The following CDC42SE2 variants were observed in gnomAD, a reference collection of about 807,000 sequenced individuals.
The protein encoded by CDC42SE2 is CDC42 small effector 2, also known as CDC42 small effector protein 2.
In CDC42SE2, 3 loss-of-function variants were observed where a neutral mutation model predicts 11.5. The observed-to-expected ratio is 0.26, with a 90% CI of 0.12 to 0.67. The LOEUF (loss-of-function observed/expected upper bound fraction) is 0.67. Among genes scored for constraint, CDC42SE2 ranks in the 30% least tolerant of loss-of-function variants. CDC42SE2 has a pLI of 0.80. For missense variants in CDC42SE2, 82 were observed against 106.8 expected (o/e 0.77, Z 1.02); for synonymous variants, 33 against 34.8 (o/e 0.95, Z 0.18).
chr5:131,245,734 C>G (rs904025572), intron 1 of CDC42SE2: 1 of 152,152 alleles, frequency 6.6e-6, no homozygotes, highest in Admixed American at 6.5e-5. Context: ...GTTACTTGAG[C>G]CTTTACCTTC....
At chr5:131,248,971 T>C (rs1294621416) in intron 1 of CDC42SE2, among the ~76,000 whole-genome samples, 1 of 151,016 alleles carries the variant, frequency 6.6e-6, no homozygotes, top group African/African-American at 2.4e-5. Context: ...CTAAAATATA[T>C]ATATTGAAGA....
chr5:131,252,817 T>C lies in CDC42SE2; in HGVS notation n.108-2278T>C, dbSNP rs76520829. Reference sequence around the variant, plus strand: ...TATCTTCCTGATTTTATACATGTTATTCTTCTACGCACAGAGAATTTCAAC... The same window carrying C: ...TATCTTCCTGATTTTATACATGTTACTCTTCTACGCACAGAGAATTTCAAC... On this transcript the variant is annotated intron_variant and non_coding_transcript_variant, in intron 1 of 3. Transcript: ENST00000502840. Among the ~76,000 whole-genome samples, 1,368 of 152,362 alleles carry C rather than the reference T, an allele frequency of 9.0e-3. 24 individuals carry two copies. The highest frequency in any genetic ancestry group is 0.031 in the African/African-American group (1,301 of 41,588).
intron 2 of CDC42SE2, among the ~76,000 whole-genome samples, chr5:131,342,719 T>A (rs926485869): frequency 6.6e-6 from 1 of 151,840 alleles, no homozygotes; most frequent in Admixed American, 6.6e-5. Context: ...GATTCTTTTT[T>A]ATTTTTTTTT....
intron 3 of CDC42SE2, among the ~76,000 whole-genome samples, chr5:131,366,400 A>G (rs1749858489): frequency 6.6e-6 from 1 of 152,202 alleles, no homozygotes; most frequent in South Asian, 2.1e-4. Context: ...TGAGTTCAAG[A>G]TGGGGAAAAG....
intron 1 of CDC42SE2, among the ~76,000 whole-genome samples, chr5:131,298,221 G>T (rs1364712631): frequency 6.6e-6 from 1 of 151,632 alleles, no homozygotes; most frequent in East Asian, 1.9e-4. Context: ...TCCTGCCTCA[G>T]CCTCCTGAGT....
chr5:131,245,278 C>T (rs1430678234), upstream of CDC42SE2, among the ~76,000 whole-genome samples: 2 of 152,104 alleles, frequency 1.3e-5, no homozygotes, highest in Admixed American at 1.3e-4. Flanking sequence ...GCTGTGCCTA[C>T]TGTTCTTTTG....
intron 2 of CDC42SE2, among the ~76,000 whole-genome samples, chr5:131,332,060 G>A (rs1360540628): frequency 1.3e-5 from 2 of 152,028 alleles, no homozygotes; most frequent in Non-Finnish European, 2.9e-5. Flanking sequence ...TTGGTGTGCT[G>A]CACCCATTAA....
At chr5:131,263,028 C>T (rs1756764846), upstream of CDC42SE2, among the ~76,000 whole-genome samples, 1 of 151,218 alleles carries the variant, frequency 6.6e-6, no homozygotes, top group Non-Finnish European at 1.5e-5. Flanking sequence ...TGATGGCTCA[C>T]TGTAACGTAA....
chr5:131,302,504 G>A (rs376812625), intron 1 of CDC42SE2, among the ~76,000 whole-genome samples: 1 of 151,684 alleles, frequency 6.6e-6, no homozygotes, highest in South Asian at 2.1e-4. Context: ...TAATAGAGAC[G>A]GGGGTTTCAC....
chr5:131,315,378 G>GA (rs1464643654), intron 1 of CDC42SE2, among the ~76,000 whole-genome samples: 1 of 152,148 alleles, frequency 6.6e-6, no homozygotes, highest in Non-Finnish European at 1.5e-5. Flanking sequence ...GCTTGGCTGT[G>GA]ACAATACTAA....
At chr5:131,303,721 T>A (rs188448271) in intron 1 of CDC42SE2, among the ~76,000 whole-genome samples, 23 of 152,306 alleles carry the variant, frequency 1.5e-4, no homozygotes, top group African/African-American at 5.1e-4. Context: ...GATGTACTAA[T>A]AGGTAGAACA....
chr5:131,291,785 C>T (rs986350112), intron 1 of CDC42SE2, among the ~76,000 whole-genome samples: 1 of 152,076 alleles, frequency 6.6e-6, no homozygotes, highest in Non-Finnish European at 1.5e-5. Flanking sequence ...AAACACCACC[C>T]GGGACTCATC....
At chr5:131,334,320 G>GAT (rs1301663482) in intron 2 of CDC42SE2, among the ~76,000 whole-genome samples, 2 of 152,184 alleles carry the variant, frequency 1.3e-5, no homozygotes, top group Non-Finnish European at 2.9e-5. Flanking sequence ...AAGCCCACTT[G>GAT]ATCATGGTTG....
intron 2 of CDC42SE2, among the ~76,000 whole-genome samples, chr5:131,338,677 C>CAA (rs1395079051): frequency 1.3e-5 from 2 of 152,158 alleles, no homozygotes; most frequent in African/African-American, 2.4e-5. Flanking sequence ...CTAGAACATA[C>CAA]AAAGATTAAG....
chr5:131,272,234 C>T (rs537933540), intron 1 of CDC42SE2, among the ~76,000 whole-genome samples: 79 of 151,968 alleles, frequency 5.2e-4, no homozygotes, highest in African/African-American at 1.6e-3. Flanking sequence ...AGGCTGGTCT[C>T]GAACTCTCAC....
intron 1 of CDC42SE2, among the ~76,000 whole-genome samples, chr5:131,253,712 C>T (rs971270147): frequency 2.0e-5 from 3 of 152,132 alleles, no homozygotes; most frequent in Admixed American, 2.0e-4. Flanking sequence ...TTGTAGTGAG[C>T]TGAGATTGCA....
the CDC42SE2 span, among the ~76,000 whole-genome samples, chr5:131,216,522 A>G: frequency 6.6e-6 from 1 of 151,114 alleles, no homozygotes; most frequent in Admixed American, 6.6e-5. Context: ...AAAAAAAAAA[A>G]CATTATAGAC....
At chr5:131,378,970 A>G (rs1271245588) in intron 3 of CDC42SE2, among the ~76,000 whole-genome samples, 2 of 152,166 alleles carry the variant, frequency 1.3e-5, no homozygotes, top group African/African-American at 2.4e-5. Flanking sequence ...GTTTCCCTCA[A>G]ATAGAAAACC....
At chr5:131,215,894 A>G in the CDC42SE2 span, among the ~76,000 whole-genome samples, 1 of 152,236 alleles carries the variant, frequency 6.6e-6, no homozygotes, top group Non-Finnish European at 1.5e-5. Flanking sequence ...ACTGTCTTTT[A>G]AAAATTATGA....
Sources: allele counts gnomAD v4.1 joint callset (sites outside exome capture counted in the v4.1 genomes callset), GRCh38; gene constraint gnomAD v4.1.1; transcripts MANE v1.5; gene names NCBI Gene and HGNC (gene_info 2026-07-23, HGNC 2026-07-21).